WDR72: variants seen among roughly 807,000 people sequenced by gnomAD.
WDR72 encodes WD repeat-containing protein 72.
A neutral mutation model predicts 124.2 loss-of-function variants in WDR72; 120 were observed. The observed-to-expected ratio is 0.97, with a 90% CI of 0.83 to 1.12. The LOEUF (loss-of-function observed/expected upper bound fraction) is 1.12. Among genes scored for constraint, WDR72 ranks in the 50% most tolerant of loss-of-function variants. The pLI is 0.00. For synonymous variants in WDR72, 452 were observed against 441.7 expected, an observed-to-expected ratio of 1.02 and a Z score of -0.29; for missense variants, 1,387 against 1,278.8, an observed-to-expected ratio of 1.08 and a Z score of -1.29.
At chr15:53,526,041 G>T (rs1242602774) in intron 18 of WDR72, among the ~76,000 whole-genome samples, 1 of 152,012 alleles carries the variant, frequency 6.6e-6, no homozygotes, top group Admixed American at 6.6e-5. Flanking sequence ...ACTCTGACAT[G>T]ATGTGTGACC....
At chr15:53,579,753 G>A (rs1334716513) in intron 18 of WDR72, among the ~76,000 whole-genome samples, 3 of 152,064 alleles carry the variant, frequency 2.0e-5, no homozygotes, top group Non-Finnish European at 2.9e-5. Flanking sequence ...TATGAGTCCT[G>A]TAATCTGAGT....
At chr15:53,564,663 C>G (rs1250437810) in intron 18 of WDR72, among the ~76,000 whole-genome samples, 1 of 151,920 alleles carries the variant, frequency 6.6e-6, no homozygotes, top group South Asian at 2.1e-4. Context: ...CCATTAGCAT[C>G]CACATTTGGT....
intron 13 of WDR72, among the ~76,000 whole-genome samples, chr15:53,686,974 C>T (rs1280205363): frequency 2.6e-5 from 4 of 151,348 alleles, no homozygotes; most frequent in Admixed American, 6.6e-5. Context: ...GGGTACATAA[C>T]GAAATGAAGG....
At position 53,563,786 on chromosome 15, in the gene WDR72, A is replaced by C. The variant is rs549971385; in HGVS notation, c.3148+33293T>G. On this transcript the variant is annotated intron_variant, in intron 18 of 19. Transcript: ENST00000360509. ...CTTGATGTAATAGTAAGCAAGCTTA[A>C]GTGAACTGTGTGTCTTCAATCTTTC... is the stretch of plus-strand genomic sequence containing the variant. 2.6e-5 allele frequency among the ~76,000 whole-genome samples: 4 copies of C among 151,966 alleles called. No homozygotes were observed. In the South Asian group the frequency reaches 8.3e-4, roughly 32 times the overall value.
At chr15:53,612,700 G>T (rs555138006) in intron 16 of WDR72, among the ~76,000 whole-genome samples, 2 of 152,184 alleles carry the variant, frequency 1.3e-5, no homozygotes, top group African/African-American at 4.8e-5. Flanking sequence ...CTATAGTAAG[G>T]ACAATGGCTT....
intron 1 of WDR72, among the ~76,000 whole-genome samples, chr15:53,735,616 T>G (rs2018330915): frequency 1.3e-5 from 2 of 151,616 alleles, no homozygotes; most frequent in African/African-American, 4.9e-5. Context: ...TTTAATGTTG[T>G]ACTTAAGGCA....
intron 18 of WDR72, among the ~76,000 whole-genome samples, chr15:53,590,125 C>A (rs1033289460): frequency 6.6e-6 from 1 of 151,900 alleles, no homozygotes; most frequent in African/African-American, 2.4e-5. Context: ...CACATGAATA[C>A]CTTGATATTT....
At chr15:53,590,070 G>A (rs745724416) in intron 18 of WDR72, among the ~76,000 whole-genome samples, 14 of 151,962 alleles carry the variant, frequency 9.2e-5, no homozygotes, top group Non-Finnish European at 1.8e-4. Flanking sequence ...TGTATTCTAG[G>A]TGCTAAATTA....
chr15:53,674,878 C>T (rs956383066), intron 13 of WDR72, among the ~76,000 whole-genome samples: 2 of 151,852 alleles, frequency 1.3e-5, no homozygotes, highest in East Asian at 1.9e-4. Context: ...TCAACCCTCA[C>T]GTCTAATTCT....
chr15:53,692,024 A>G (rs974370836), intron 13 of WDR72, among the ~76,000 whole-genome samples: 24 of 152,218 alleles, frequency 1.6e-4, no homozygotes, highest in Admixed American at 2.6e-4. Flanking sequence ...CACAGGCAGA[A>G]TTCTTGCCCT....
intron 19 of WDR72, among the ~76,000 whole-genome samples, chr15:53,522,915 C>G (rs1595726236): frequency 6.6e-6 from 1 of 152,142 alleles, no homozygotes; most frequent in Non-Finnish European, 1.5e-5. Context: ...GTTGCCATTT[C>G]TCTATAGTTT....
intron 9 of WDR72, 128 bp from the exon 10 acceptor site, chr15:53,706,202 AT>A (rs1289133285): frequency 1.8e-6 from 2 of 1,096,130 alleles, no homozygotes; most frequent in African/African-American, 1.6e-5. Context: ...CTCTTTTGAC[AT>A]TTTCAAGTAA....
At chr15:53,520,222 G>C (rs1186958685) in intron 19 of WDR72, among the ~76,000 whole-genome samples, 1 of 152,040 alleles carries the variant, frequency 6.6e-6, no homozygotes, top group African/African-American at 2.4e-5. Context: ...TACTTGAACT[G>C]TGTTTGCATG....
chr15:53,745,950 G>A (rs917605056), intron 1 of WDR72, among the ~76,000 whole-genome samples: 4 of 152,176 alleles, frequency 2.6e-5, no homozygotes, highest in East Asian at 1.9e-4. Flanking sequence ...CTTGCCCATC[G>A]GAAATTCTTA....
At chr15:53,645,194 C>T (rs574832164) in intron 14 of WDR72, among the ~76,000 whole-genome samples, 2 of 152,228 alleles carry the variant, frequency 1.3e-5, no homozygotes, top group Non-Finnish European at 2.9e-5. Flanking sequence ...GCTCCTTTGA[C>T]CTTTATCATC....
At chr15:53,519,897 T>A (rs1028296361) in intron 19 of WDR72, among the ~76,000 whole-genome samples, 4 of 152,084 alleles carry the variant, frequency 2.6e-5, no homozygotes, top group African/African-American at 7.2e-5. Flanking sequence ...GTGATGCCAA[T>A]ATAAAAATAA....
intron 4 of WDR72, among the ~76,000 whole-genome samples, 192 bp downstream of exon 4, chr15:53,716,415 C>T (rs1214876840): frequency 6.6e-6 from 1 of 152,156 alleles, no homozygotes; most frequent in Non-Finnish European, 1.5e-5. Flanking sequence ...GGAAAATCTG[C>T]TTGAATAATA....
At chr15:53,675,948 C>T (rs1438905161) in intron 13 of WDR72, among the ~76,000 whole-genome samples, 1 of 152,166 alleles carries the variant, frequency 6.6e-6, no homozygotes, top group Non-Finnish European at 1.5e-5. Context: ...TCCCTTGGGA[C>T]ATGATGGTGA....
At position 53,516,111 on chromosome 15, in the gene WDR72, T is replaced by C. The variant is rs1891447780; in HGVS notation, c.*1588A>G. The C allele has an allele frequency of 1.3e-5, 2 of 152,126 alleles. No individual in the cohort carries two copies. The highest frequency in any genetic ancestry group is 4.1e-4 in the South Asian group (2 of 4,830). The allele number at this position is 152,126 out of a possible 1,614,324, so 9.4% of individuals were successfully genotyped here. On this transcript the variant is annotated 3_prime_UTR_variant, in exon 20 of 20. Transcript: ENST00000360509. ...GACTGTTTCTAAAGGAGGGGGAATATATTTATCAATCAGTTTTCAAAGGAT... is the reference window on the plus strand; with the variant it reads ...GACTGTTTCTAAAGGAGGGGGAATACATTTATCAATCAGTTTTCAAAGGAT...
Sources: gnomAD v4.1 joint callset for allele counts (sites outside exome capture counted in the v4.1 genomes callset) on GRCh38, gnomAD v4.1.1 for gene constraint, MANE v1.5 for transcripts, NCBI Gene and HGNC (gene_info 2026-07-23, HGNC 2026-07-21) for gene names.